COX7B2: variants seen among roughly 807,000 people sequenced by gnomAD.
COX7B2 encodes cytochrome c oxidase subunit 7B2, mitochondrial.
For synonymous variants in COX7B2, 37 were observed against 32.1 expected (o/e 1.15, Z -0.51); for missense variants, 109 against 95.9 (o/e 1.14, Z -0.57).
At chr4:46,810,753 A>C (rs1275328304) in intron 2 of COX7B2, among the ~76,000 whole-genome samples, 1 of 152,104 alleles carries the variant, frequency 6.6e-6, no homozygotes, top group Non-Finnish European at 1.5e-5. Flanking sequence ...ATATTTTCAT[A>C]TGTATTAATG....
intron 1 of COX7B2, among the ~76,000 whole-genome samples, chr4:46,867,329 T>A (rs549317102): frequency 3.3e-5 from 5 of 152,122 alleles, no homozygotes; most frequent in African/African-American, 1.2e-4. Context: ...TGGGAAAAAA[T>A]AAGGTAGGAG....
At chr4:46,760,658 G>A (rs189512621) in intron 2 of COX7B2, among the ~76,000 whole-genome samples, 5 of 152,156 alleles carry the variant, frequency 3.3e-5, no homozygotes, top group South Asian at 2.1e-4. Flanking sequence ...GTATACCTAC[G>A]TAACAAACCT....
intron 2 of COX7B2, among the ~76,000 whole-genome samples, chr4:46,754,551 G>T: frequency 9.8e-6 from 1 of 102,130 alleles, no homozygotes; most frequent in Non-Finnish European, 2.0e-5. Flanking sequence ...GGGGGTGGGG[G>T]GAGGGGGGAG....
At chr4:46,865,063 A>AT (rs1717582339) in intron 1 of COX7B2, among the ~76,000 whole-genome samples, 1 of 152,222 alleles carries the variant, frequency 6.6e-6, no homozygotes, top group Non-Finnish European at 1.5e-5. Flanking sequence ...TCACCTGAGT[A>AT]GTATACAGTA....
At chr4:46,867,007 C>T (rs1272875546) in intron 1 of COX7B2, among the ~76,000 whole-genome samples, 1 of 152,134 alleles carries the variant, frequency 6.6e-6, no homozygotes, top group African/African-American at 2.4e-5. Context: ...TTTCATACAA[C>T]CTTTAATAGC....
chr4:46,877,592 A>G (rs761685226), intron 1 of COX7B2, among the ~76,000 whole-genome samples: 1 of 152,200 alleles, frequency 6.6e-6, no homozygotes, highest in Non-Finnish European at 1.5e-5. Flanking sequence ...TTTTCCAAAG[A>G]AGACACAAAA....
At chr4:46,884,798 C>T (rs1718975779) in intron 1 of COX7B2, among the ~76,000 whole-genome samples, 1 of 152,076 alleles carries the variant, frequency 6.6e-6, no homozygotes, top group Non-Finnish European at 1.5e-5. Context: ...ACATCTCCTT[C>T]TGTCAAATTA....
intron 2 of COX7B2, among the ~76,000 whole-genome samples, chr4:46,759,880 T>A (rs1318432658): frequency 6.7e-6 from 1 of 149,880 alleles, no homozygotes; most frequent in Non-Finnish European, 1.5e-5. Context: ...ATAAGTCATA[T>A]CTTATATAAG....
intron 2 of COX7B2, among the ~76,000 whole-genome samples, chr4:46,841,008 T>A (rs922357901): frequency 3.9e-5 from 6 of 152,014 alleles, no homozygotes; most frequent in African/African-American, 1.4e-4. Flanking sequence ...AAAAGCATTC[T>A]AGGATCTGTA....
chr4:46,874,581 G>C (rs2109831838), intron 1 of COX7B2, among the ~76,000 whole-genome samples: 1 of 152,180 alleles, frequency 6.6e-6, no homozygotes, highest in East Asian at 1.9e-4. Context: ...TGTTCCAAGA[G>C]CAGAGTATAT....
intron 1 of COX7B2, among the ~76,000 whole-genome samples, chr4:46,851,762 T>C (rs547588124): frequency 2.6e-4 from 39 of 152,254 alleles, no homozygotes; most frequent in African/African-American, 9.1e-4. Context: ...TTTATGTTTG[T>C]CTAATGATCT....
intron 2 of COX7B2, among the ~76,000 whole-genome samples, chr4:46,782,358 A>G (rs1327926572): frequency 3.3e-5 from 5 of 151,830 alleles, no homozygotes; most frequent in Non-Finnish European, 7.4e-5. Context: ...AAATGCACCA[A>G]TCAGTGCTTG....
chr4:46,811,119 C>T (rs1235604111), intron 2 of COX7B2, among the ~76,000 whole-genome samples: 3 of 152,090 alleles, frequency 2.0e-5, no homozygotes, highest in Non-Finnish European at 4.4e-5. Context: ...TTTTAATGTG[C>T]CTCAGAAGGA....
intron 2 of COX7B2, among the ~76,000 whole-genome samples, chr4:46,801,762 A>G (rs1272808768): frequency 6.6e-6 from 1 of 152,204 alleles, no homozygotes; most frequent in Non-Finnish European, 1.5e-5. Flanking sequence ...AACAGGAGCA[A>G]AAAGAAATAT....
At chr4:46,815,061 C>T (rs1719480324) in intron 2 of COX7B2, among the ~76,000 whole-genome samples, 1 of 151,876 alleles carries the variant, frequency 6.6e-6, no homozygotes, top group Admixed American at 6.6e-5. Flanking sequence ...TGGTGCATGC[C>T]TGTAGTCCCA....
chr4:46,858,615 GA>G (rs1389078254), intron 1 of COX7B2, among the ~76,000 whole-genome samples: 8 of 152,248 alleles, frequency 5.3e-5, no homozygotes, highest in African/African-American at 1.9e-4. Context: ...AGACCCCGTA[GA>G]AGGAGCACTT....
chr4:46,867,949 G>T (rs1486582285), intron 1 of COX7B2, among the ~76,000 whole-genome samples: 1 of 152,084 alleles, frequency 6.6e-6, no homozygotes, highest in African/African-American at 2.4e-5. Flanking sequence ...ATGTAGAAAT[G>T]GTATAAGATC....
intron 2 of COX7B2, among the ~76,000 whole-genome samples, chr4:46,828,278 G>A (rs1714830307): frequency 6.6e-6 from 1 of 151,942 alleles, no homozygotes; most frequent in Non-Finnish European, 1.5e-5. Context: ...AAACAAAAAA[G>A]AAAAACAGAA....
intron 2 of COX7B2, among the ~76,000 whole-genome samples, chr4:46,793,494 C>G (rs1184903081): frequency 7.2e-5 from 11 of 152,162 alleles, no homozygotes. Flanking sequence ...TGCTCTGTCA[C>G]AAGGAACTGG....
Sources: gnomAD v4.1 joint callset for allele counts (sites outside exome capture counted in the v4.1 genomes callset) on GRCh38, gnomAD v4.1.1 for gene constraint, MANE v1.5 for transcripts, NCBI Gene and HGNC (gene_info 2026-07-23, HGNC 2026-07-21) for gene names.